The following CDH18 variants were observed in gnomAD, a reference collection of about 807,000 sequenced individuals.
The protein encoded by CDH18 is cadherin-18.
Under a neutral mutation model 67.9 loss-of-function variants are expected in CDH18, and 31 were observed. The observed-to-expected ratio is 0.46, with a 90% CI of 0.34 to 0.62. The LOEUF (loss-of-function observed/expected upper bound fraction) is 0.62. Among genes scored for constraint, CDH18 ranks in the 20% least tolerant of loss-of-function variants. CDH18 has a pLI of 0.01. For synonymous variants in CDH18, 362 were observed against 347.2 expected (o/e 1.04, Z -0.48); for missense variants, 890 against 975.5 (o/e 0.91, Z 1.17).
chr5:19,670,141 G>C (rs969816753), intron 5 of CDH18, among the ~76,000 whole-genome samples: 18 of 152,042 alleles, frequency 1.2e-4, no homozygotes, highest in African/African-American at 4.3e-4. Flanking sequence ...AAAATTTTGT[G>C]CATAGAACTA....
At chr5:19,921,444 T>C (rs915302865) in intron 2 of CDH18, among the ~76,000 whole-genome samples, 1 of 149,652 alleles carries the variant, frequency 6.7e-6, no homozygotes. Context: ...GACAGGAGAA[T>C]GGTGTGAACC....
Position 19,677,224 on chromosome 5 carries a change from C to G in CDH18, c.643+44123G>C, listed in dbSNP as rs367742747. The stretch of plus-strand genomic sequence containing the variant: ...AGTGTAACTTTCAGCAGAAACCATA[C>G]AAGCCAGAAGCGATTGGGGATGTGT... On this transcript the variant is annotated intron_variant, in intron 5 of 12. Coordinates refer to ENST00000382275, the MANE Select transcript of CDH18 (RefSeq NM_004934.5). Among the ~76,000 whole-genome samples the G allele has an allele frequency of 3.2e-4, 48 of 152,148 alleles. No homozygotes were observed. In the East Asian group the frequency reaches 6.2e-3, roughly 20 times the overall value.
chr5:20,269,801 G>C (rs1486711553), intron 1 of CDH18, among the ~76,000 whole-genome samples: 2 of 152,034 alleles, frequency 1.3e-5, no homozygotes, highest in African/African-American at 4.8e-5. Flanking sequence ...AGATACTCTA[G>C]AAGCCCTGAT....
At chr5:20,102,279 A>G (rs2150578202) in intron 2 of CDH18, among the ~76,000 whole-genome samples, 1 of 151,252 alleles carries the variant, frequency 6.6e-6, no homozygotes, top group South Asian at 2.1e-4. Context: ...GGATGTGAGG[A>G]ATGTACTTAC....
At chr5:19,838,260 T>C (rs1781891634) in intron 3 of CDH18, among the ~76,000 whole-genome samples, 1 of 152,122 alleles carries the variant, frequency 6.6e-6, no homozygotes, top group Non-Finnish European at 1.5e-5. Flanking sequence ...TAAAAATTAA[T>C]AGAGAATATT....
intron 2 of CDH18, among the ~76,000 whole-genome samples, chr5:20,215,625 T>G (rs572274631): frequency 2.6e-5 from 4 of 151,936 alleles, no homozygotes; most frequent in Admixed American, 2.6e-4. Flanking sequence ...CATTATTATT[T>G]GTATTCCTTT....
At chr5:19,886,313 G>A (rs1328915013) in intron 2 of CDH18, 1 of 152,098 alleles carries the variant, frequency 6.6e-6, no homozygotes, top group African/African-American at 2.4e-5. Flanking sequence ...TTCGTGACAT[G>A]GTGAGTCAAA....
chr5:20,304,339 A>T, intron 1 of CDH18: 1 of 1,534,894 alleles, frequency 6.5e-7, no homozygotes, highest in Non-Finnish European at 9.0e-7. Flanking sequence ...CTTTAAATTC[A>T]TTATCTTTCT....
At chr5:20,256,272 GATA>G (rs1316414808) in intron 1 of CDH18, among the ~76,000 whole-genome samples, 1 of 152,122 alleles carries the variant, frequency 6.6e-6, no homozygotes, top group East Asian at 1.9e-4. Context: ...GTTCTCAGAA[GATA>G]ATAATCCCTT....
In CDH18 at chr5:20,347,787, G is replaced by A. The variant is rs2150052669; in HGVS notation, c.-579-92282C>T. On this transcript the variant is annotated intron_variant, in intron 1 of 14. Transcript: ENST00000507958. ...TCAGTCAGCCCAAACTCAAGCATGT[G>A]CAGATGCAACACCCATAGGAGGAAC... is the stretch of plus-strand genomic sequence containing the variant. Among the ~76,000 whole-genome samples the A allele has an allele frequency of 1.3e-5, 2 of 152,256 alleles. 1 individual carries two copies. The highest frequency in any genetic ancestry group is 4.2e-4 in the South Asian group (2 of 4,804).
chr5:19,638,909 T>C (rs553500543), intron 5 of CDH18, among the ~76,000 whole-genome samples: 38 of 146,458 alleles, frequency 2.6e-4, no homozygotes, highest in Non-Finnish European at 5.1e-4. Flanking sequence ...TTCAGACTTT[T>C]TGGGCAATAT....
At chr5:19,656,959 T>G (rs544111006) in intron 5 of CDH18, among the ~76,000 whole-genome samples, 2 of 151,994 alleles carry the variant, frequency 1.3e-5, no homozygotes, top group African/African-American at 4.8e-5. Flanking sequence ...TGGGATAAAA[T>G]TGAAATATAA....
At chr5:20,496,865 A>T (rs1386813962) in intron 1 of CDH18, among the ~76,000 whole-genome samples, 2 of 152,158 alleles carry the variant, frequency 1.3e-5, no homozygotes, top group African/African-American at 4.8e-5. Context: ...AACATAAAAA[A>T]TAAGTAAATT....
chr5:20,571,292 GCATTTT>G (rs948710451), intron 1 of CDH18, among the ~76,000 whole-genome samples: 1 of 152,042 alleles, frequency 6.6e-6, no homozygotes, highest in African/African-American at 2.4e-5. Flanking sequence ...TACAGTTGTT[GCATTTT>G]CATTTATTTG....
intron 2 of CDH18, among the ~76,000 whole-genome samples, chr5:20,056,496 T>G (rs1741979240): frequency 1.5e-5 from 2 of 136,216 alleles, no homozygotes; most frequent in Non-Finnish European, 3.1e-5. Flanking sequence ...TTTTTTTTTT[T>G]TTTTTTTTGC....
At chr5:19,771,261 A>G (rs1204485411) in intron 3 of CDH18, among the ~76,000 whole-genome samples, 1 of 152,140 alleles carries the variant, frequency 6.6e-6, no homozygotes, top group Admixed American at 6.6e-5. Flanking sequence ...GATAAAAGTG[A>G]TGGATGTCAC....
At chr5:19,819,746 C>T (rs1486221769) in intron 3 of CDH18, among the ~76,000 whole-genome samples, 1 of 152,150 alleles carries the variant, frequency 6.6e-6, no homozygotes, top group Non-Finnish European at 1.5e-5. Flanking sequence ...AGTGTCCATC[C>T]CCCAAGGCTC....
intron 1 of CDH18, among the ~76,000 whole-genome samples, chr5:20,394,801 A>T (rs1745151577): frequency 6.6e-6 from 1 of 152,168 alleles, no homozygotes. Context: ...TCAAAAGAAG[A>T]CATACAAATG....
chr5:20,067,133 A>T (rs886774760), intron 2 of CDH18, among the ~76,000 whole-genome samples: 2 of 151,910 alleles, frequency 1.3e-5, no homozygotes, highest in African/African-American at 4.8e-5. Flanking sequence ...GTAGGGAAGG[A>T]TGTATGTGGT....
Sources: allele counts gnomAD v4.1 joint callset (sites outside exome capture counted in the v4.1 genomes callset), GRCh38; gene constraint gnomAD v4.1.1; transcripts MANE v1.5; gene names NCBI Gene and HGNC (gene_info 2026-07-23, HGNC 2026-07-21).